Variants in DPP6 observed in about 807,000 individuals in gnomAD.
DPP6 encodes dipeptidyl peptidase like 6.
Under a neutral mutation model 122.6 loss-of-function variants are expected in DPP6, and 69 were observed. The observed-to-expected ratio is 0.56, with a 90% CI of 0.46 to 0.69. DPP6 has a LOEUF of 0.69. Ranked by LOEUF, DPP6 falls within the 30% of genes least tolerant of loss-of-function variation. DPP6 has a pLI of 0.00. For synonymous variants in DPP6, 418 were observed against 433.1 expected (o/e 0.97, Z 0.43); for missense variants, 928 against 1,116.9 (o/e 0.83, Z 2.41).
chr7:154,247,447 C>T (rs1266719920), intron 1 of DPP6, among the ~76,000 whole-genome samples: 1 of 152,108 alleles, frequency 6.6e-6, no homozygotes, highest in Non-Finnish European at 1.5e-5. Context: ...AAGACTTGAA[C>T]AGGCACTTTA....
At chr7:153,887,873 C>A in intron 1 of DPP6, 1 of 915,158 alleles carries the variant, frequency 1.1e-6, no homozygotes, top group East Asian at 2.8e-5. Context: ...GGCGCTTCTC[C>A]CACTTCCCAC....
intron 1 of DPP6, among the ~76,000 whole-genome samples, chr7:154,397,078 G>T (rs1487732159): frequency 6.6e-6 from 1 of 150,816 alleles, no homozygotes; most frequent in Non-Finnish European, 1.5e-5. Flanking sequence ...AATCTAGTAA[G>T]ATAAATTAGA....
chr7:154,291,403 C>T (rs573760604), intron 1 of DPP6, among the ~76,000 whole-genome samples: 1 of 152,196 alleles, frequency 6.6e-6, no homozygotes, highest in Non-Finnish European at 1.5e-5. Context: ...TGGCAAGTCT[C>T]CAGGAACCAA....
chr7:153,847,264 C>T, the DPP6 span, among the ~76,000 whole-genome samples: 681 of 152,224 alleles, frequency 4.5e-3, 2 homozygotes, highest in South Asian at 0.011. Context: ...TATTTTTATA[C>T]TGTATATTTC....
At chr7:154,055,652 C>G (rs1800764450) in intron 1 of DPP6, 1 of 152,198 alleles carries the variant, frequency 6.6e-6, no homozygotes, top group South Asian at 2.1e-4. Flanking sequence ...CGAGGCTTTC[C>G]TTTTCCACAT....
At chr7:153,855,803 C>T in the DPP6 span, among the ~76,000 whole-genome samples, 1 of 152,012 alleles carries the variant, frequency 6.6e-6, no homozygotes, top group East Asian at 1.9e-4. Flanking sequence ...CATTCTTTAC[C>T]ATACCTACAT....
intron 1 of DPP6, among the ~76,000 whole-genome samples, chr7:154,202,740 C>T (rs984358920): frequency 6.6e-6 from 1 of 152,180 alleles, no homozygotes; most frequent in East Asian, 1.9e-4. Flanking sequence ...AATCTTCTTC[C>T]ACTCACAACA....
intron 1 of DPP6, among the ~76,000 whole-genome samples, chr7:154,135,153 C>G (rs62487180): frequency 0.026 from 3,887 of 151,920 alleles, 70 homozygotes; most frequent in Non-Finnish European, 0.038. Flanking sequence ...TGTGGGTGTA[C>G]ACTTCCTGTG....
At chr7:154,255,862 T>C (rs924190456) in intron 1 of DPP6, among the ~76,000 whole-genome samples, 2 of 152,222 alleles carry the variant, frequency 1.3e-5, no homozygotes, top group African/African-American at 4.8e-5. Context: ...CTGGTTACTA[T>C]GTCCAATAAA....
At chr7:154,003,512 G>A (rs1178615847) in intron 1 of DPP6, among the ~76,000 whole-genome samples, 1 of 152,230 alleles carries the variant, frequency 6.6e-6, no homozygotes, top group African/African-American at 2.4e-5. Context: ...GTCTTTGCTG[G>A]TGTATCAGAT....
At chr7:154,000,660 T>C (rs2129045629) in intron 1 of DPP6, among the ~76,000 whole-genome samples, 1 of 152,268 alleles carries the variant, frequency 6.6e-6, no homozygotes, top group African/African-American at 2.4e-5. Flanking sequence ...TTTTCATCTT[T>C]AATAAGAAGG....
At chr7:154,609,400 G>A (rs946869563) in intron 5 of DPP6, among the ~76,000 whole-genome samples, 1 of 152,206 alleles carries the variant, frequency 6.6e-6, no homozygotes, top group African/African-American at 2.4e-5. Flanking sequence ...TTACAAGCGA[G>A]TTCACTAGGG....
At chr7:154,480,019 G>A (rs969068976) in intron 3 of DPP6, among the ~76,000 whole-genome samples, 1 of 123,240 alleles carries the variant, frequency 8.1e-6, no homozygotes, top group East Asian at 2.6e-4. Flanking sequence ...CTCCCACCCC[G>A]CCCCTGCCCC....
rs551294714 is a variant in DPP6, at chr7:154,156,607, C to T, written c.243+103544C>T. Reference sequence around the variant, plus strand: ...CTTCATAGAAAGTAAATTTCAAATGCATCATACAAAATTCACAGACAAACA... The same window carrying T: ...CTTCATAGAAAGTAAATTTCAAATGTATCATACAAAATTCACAGACAAACA... On this transcript the variant is annotated intron_variant, in intron 1 of 25. Transcript: ENST00000377770. 2.2e-3 allele frequency among the ~76,000 whole-genome samples: 341 copies of T among 152,320 alleles called. 1 individual carries two copies. The highest frequency in any genetic ancestry group is 8.0e-3 in the African/African-American group (331 of 41,570).
chr7:153,903,164 G>A (rs1799710157), intron 1 of DPP6, among the ~76,000 whole-genome samples: 1 of 152,126 alleles, frequency 6.6e-6, no homozygotes, highest in Admixed American at 6.5e-5. Context: ...AAGAATTTAA[G>A]AGCAAGAAAA....
intron 1 of DPP6, among the ~76,000 whole-genome samples, chr7:153,929,505 C>T (rs1216313642): frequency 6.6e-6 from 1 of 151,932 alleles, no homozygotes; most frequent in Non-Finnish European, 1.5e-5. Flanking sequence ...TCTTAGGAGT[C>T]ATCAGCAACT....
At chr7:154,224,511 T>C (rs1013723997) in intron 1 of DPP6, among the ~76,000 whole-genome samples, 6 of 149,104 alleles carry the variant, frequency 4.0e-5, no homozygotes, top group Non-Finnish European at 7.4e-5. Flanking sequence ...TCCCAGGCCA[T>C]TCCAATCAAC....
intron 16 of DPP6, among the ~76,000 whole-genome samples, chr7:154,808,329 T>C (rs10268394): frequency 0.052 from 7,964 of 152,180 alleles, 659 homozygotes; most frequent in African/African-American, 0.18. Flanking sequence ...AGCCTCTTGC[T>C]CAACACAAGC....
At chr7:154,250,500 T>C (rs1022144669) in intron 1 of DPP6, among the ~76,000 whole-genome samples, 1 of 152,136 alleles carries the variant, frequency 6.6e-6, no homozygotes, top group African/African-American at 2.4e-5. Context: ...CTTCATTTTC[T>C]GTCTGTGAAT....
Sources: gnomAD v4.1 joint callset for allele counts (sites outside exome capture counted in the v4.1 genomes callset) on GRCh38, gnomAD v4.1.1 for gene constraint, MANE v1.5 for transcripts, NCBI Gene and HGNC (gene_info 2026-07-23, HGNC 2026-07-21) for gene names.